HMCN1: variants seen among roughly 807,000 people sequenced by gnomAD.
HMCN1 encodes hemicentin-1.
A neutral mutation model predicts 625.9 loss-of-function variants in HMCN1; 321 were observed. The observed-to-expected ratio is 0.51, with a 90% CI of 0.47 to 0.56. The LOEUF (loss-of-function observed/expected upper bound fraction) is 0.56. HMCN1 is among the 20% of genes least tolerant of loss of function. The pLI, the probability that HMCN1 is intolerant of heterozygous loss-of-function variation, is 0.00. For missense variants in HMCN1, 6,588 were observed against 6,887.3 expected, an observed-to-expected ratio of 0.96 and a Z score of 1.54; for synonymous variants, 2,425 against 2,417.6, an observed-to-expected ratio of 1.00 and a Z score of -0.09.
intron 2 of HMCN1, among the ~76,000 whole-genome samples, chr1:185,862,585 GA>G (rs1662941112): frequency 6.6e-6 from 1 of 152,134 alleles, no homozygotes; most frequent in African/African-American, 2.4e-5. Flanking sequence ...GGTCTAACAA[GA>G]AATTGAAAAT....
At chr1:185,876,835 C>T (rs1220705374) in intron 4 of HMCN1, among the ~76,000 whole-genome samples, 1 of 151,872 alleles carries the variant, frequency 6.6e-6, no homozygotes, top group African/African-American at 2.4e-5. Context: ...GTAAAATTTA[C>T]AAATATTTTC....
In HMCN1 at chr1:186,152,764, A is replaced by C; in HGVS notation, c.14911A>C (p.Met4971Leu). The stretch of plus-strand genomic sequence containing the variant: ...GTAATTCCCAGGAGAAATCTTGCAG[A>C]TGAGTCATATTGCCCGGGGCTTGGA... ...VEFATGEILQ[M>L]SHIARGLDSD... The change falls in exon 96 of 107, where the codon ATG (methionine) becomes CTG (leucine). Residue 4971 changes from methionine (M) to leucine (L), a missense_variant. Coordinates refer to ENST00000271588, the MANE Select transcript of HMCN1 (RefSeq NM_031935.3). 6.2e-7 allele frequency: 1 copy of C among 1,613,976 alleles called. No homozygotes were observed. Among genetic ancestry groups the C allele is most frequent in the Non-Finnish European group, 8.5e-7 (1 of 1,179,850 alleles).
intron 81 of HMCN1, 121 bp downstream of exon 81, chr1:186,123,341 T>G (rs1041017644): frequency 2.9e-5 from 35 of 1,194,960 alleles, no homozygotes; most frequent in South Asian, 7.9e-5. Flanking sequence ...AAAGTGTGTG[T>G]GGGGGTGTGG....
In HMCN1 at chr1:186,070,733, C is replaced by G; in HGVS notation, c.8115C>G (p.Ser2705=). 6.2e-7 allele frequency: 1 copy of G among 1,613,846 alleles called. No homozygotes were observed. The highest frequency in any genetic ancestry group is 8.5e-7 in the Non-Finnish European group (1 of 1,179,844). The change falls in exon 52 of 107, where the codon TCC becomes TCG. Residue 2705 remains serine, a synonymous_variant. Transcript: ENST00000271588. ...ECEAYAIPSA[S]LSWYKDGQPL... ...AAGCGTATGCAATTCCTTCTGCCTC[C>G]CTCAGCTGGTACAAGGATGGACAGG...
In HMCN1 at chr1:186,128,100, C is replaced by T; in HGVS notation, c.12713C>T (p.Thr4238Ile). The change falls in exon 83 of 107, where the codon ACC (threonine) becomes ATC (isoleucine). Residue 4238 changes from threonine to isoleucine, a missense_variant. Transcript: ENST00000271588. ...NVVLEDSGFY[T>I]CVANNAAGED... Reference sequence around the variant, plus strand: ...TAGCTGGAGGATTCTGGCTTCTATACCTGTGTTGCTAACAATGCTGCAGGT... The same window carrying T: ...TAGCTGGAGGATTCTGGCTTCTATATCTGTGTTGCTAACAATGCTGCAGGT... The T allele has an allele frequency of 1.2e-6, 2 of 1,613,354 alleles. No individual in the cohort carries two copies. Among genetic ancestry groups the T allele is most frequent in the African/African-American group, 1.3e-5 (1 of 74,936 alleles).
intron 68 of HMCN1, among the ~76,000 whole-genome samples, chr1:186,098,622 C>T (rs1031784053): frequency 6.6e-6 from 1 of 151,894 alleles, no homozygotes; most frequent in Non-Finnish European, 1.5e-5. Context: ...ATTATGAAAA[C>T]AGAGGTTCCT....
intron 1 of HMCN1, among the ~76,000 whole-genome samples, chr1:185,770,859 G>T (rs1420088777): frequency 6.6e-6 from 1 of 152,174 alleles, no homozygotes; most frequent in African/African-American, 2.4e-5. Context: ...GGCAGTGTTT[G>T]TGGTCACCAG....
chr1:185,994,338 A>C (rs1261907228), intron 23 of HMCN1, among the ~76,000 whole-genome samples: 4 of 152,160 alleles, frequency 2.6e-5, no homozygotes, highest in Non-Finnish European at 1.5e-5. Flanking sequence ...TGAAATTAGC[A>C]AAAGATTTCA....
chr1:186,045,658 A>T, intron 40 of HMCN1, 30 bp from the exon 41 acceptor site: 3 of 1,577,724 alleles, frequency 1.9e-6, no homozygotes, highest in Non-Finnish European at 2.6e-6. Flanking sequence ...GGCCTGTTTT[A>T]TCCTGAAAGA....
At chr1:185,887,689 T>C (rs1664758820) in intron 4 of HMCN1, among the ~76,000 whole-genome samples, 1 of 144,096 alleles carries the variant, frequency 6.9e-6, no homozygotes, top group Non-Finnish European at 1.5e-5. Context: ...TGCCACATTT[T>C]CTTAATCCAG....
At chr1:185,789,056 A>G (rs1481229885) in intron 1 of HMCN1, among the ~76,000 whole-genome samples, 2 of 152,238 alleles carry the variant, frequency 1.3e-5, no homozygotes, top group African/African-American at 2.4e-5. Context: ...AGACTTGTAC[A>G]TTATTTTTAT....
At chr1:185,910,119 T>C (rs1666330540) in intron 5 of HMCN1, among the ~76,000 whole-genome samples, 1 of 152,162 alleles carries the variant, frequency 6.6e-6, no homozygotes, top group South Asian at 2.1e-4. Context: ...AATCGTTTCT[T>C]AACATTTTCA....
At position 185,990,275 on chromosome 1, in the gene HMCN1, T is replaced by G. The variant is rs752926936; in HGVS notation, c.3209T>G (p.Val1070Gly). ...AKRKVQLTVY[V>G]RPRVFGDQRG... Reference sequence around the variant, plus strand: ...CTTCCAAAACATGTGTTTATTTTAGTAAGGCCCAGAGTGTTTGGAGATCAA... The same window carrying G: ...CTTCCAAAACATGTGTTTATTTTAGGAAGGCCCAGAGTGTTTGGAGATCAA... The change falls in exon 22 of 107, where the codon GTA (valine) becomes GGA (glycine). Residue 1070 changes from valine (V) to glycine (G), a missense_variant and splice_region_variant. Around this residue, in one of 3 missense-constraint regions of HMCN1, gnomAD observed 4,628 missense variants for 4,853.1 expected, o/e 0.95. Coordinates refer to ENST00000271588, the MANE Select transcript of HMCN1 (RefSeq NM_031935.3). The G allele has an allele frequency of 6.2e-7, 1 of 1,613,744 alleles. No individual in the cohort carries two copies. Among genetic ancestry groups the G allele is most frequent in the South Asian group, 1.1e-5 (1 of 91,072 alleles).
At chr1:185,953,261 G>A (rs1355561011) in intron 11 of HMCN1, among the ~76,000 whole-genome samples, 2 of 151,772 alleles carry the variant, frequency 1.3e-5, no homozygotes, top group Non-Finnish European at 2.9e-5. Context: ...GTAGAGAGAA[G>A]GGGTTGGGGT....
In HMCN1 at chr1:186,115,376, G is replaced by T; in HGVS notation, c.11523G>T (p.Gly3841=). 6.2e-7 allele frequency: 1 copy of T among 1,613,786 alleles called. No homozygotes were observed. Among genetic ancestry groups the T allele is most frequent in the Non-Finnish European group, 8.5e-7 (1 of 1,179,916 alleles). The change falls in exon 75 of 107, where the codon GGG becomes GGT. Residue 3841 remains glycine, a synonymous_variant. Transcript: ENST00000271588. The stretch of plus-strand genomic sequence containing the variant: ...CATCAATCAATTGGAGAAAAAATGG[G>T]CATCTTCTTAATGTGGATCAAAATC... ...PKPSINWRKN[G]HLLNVDQNQN...
intron 97 of HMCN1, among the ~76,000 whole-genome samples, chr1:186,159,090 A>G (rs1651246512): frequency 6.6e-6 from 1 of 151,612 alleles, no homozygotes; most frequent in African/African-American, 2.4e-5. Flanking sequence ...ATTTGTTTGT[A>G]TCCTCTTTTA....
chr1:186,132,443 A>G, intron 86 of HMCN1, 34 bp downstream of exon 86: 1 of 1,458,012 alleles, frequency 6.9e-7, no homozygotes, highest in Non-Finnish European at 9.5e-7. Flanking sequence ...TAAACACTTG[A>G]TTTAGGAAAT....
At chr1:185,902,405 C>CTATCTATCTATCTCTA (rs903275348) in intron 4 of HMCN1, among the ~76,000 whole-genome samples, 3 of 145,454 alleles carry the variant, frequency 2.1e-5, no homozygotes, top group African/African-American at 7.8e-5. Context: ...ATCTATCTAT[C>CTATCTATCTATCTCTA]TCTATCTATC....
chr1:186,065,126 G>A, intron 48 of HMCN1, 112 bp from the exon 49 acceptor site: 7 of 757,282 alleles, frequency 9.2e-6, no homozygotes, highest in Non-Finnish European at 1.6e-5. Context: ...TTACTGCCGT[G>A]TTTTAGACAT....
Sources: gnomAD v4.1 joint callset for allele counts (sites outside exome capture counted in the v4.1 genomes callset) on GRCh38, gnomAD v4.1.1 for gene constraint, gnomAD v4.1.1 regional missense constraint, MANE v1.5 for transcripts, NCBI Gene and HGNC (gene_info 2026-07-23, HGNC 2026-07-21) for gene names.